The following EYS variants were observed in gnomAD, a reference collection of about 807,000 sequenced individuals.
EYS encodes EGF-like photoreceptor maintenance factor, also known as protein eyes shut homolog.
Under a neutral mutation model 282.1 loss-of-function variants are expected in EYS, and 250 were observed. The ratio of observed to expected loss-of-function variants is 0.89; its 90% CI spans 0.80 to 0.98. The LOEUF is 0.98. EYS is among the 50% of genes least tolerant of loss of function. The pLI, the probability that EYS is intolerant of heterozygous loss-of-function variation, is 0.00. For missense variants in EYS, 4,016 were observed against 3,709.0 expected (o/e 1.08, Z -2.15); for synonymous variants, 1,355 against 1,282.9 (o/e 1.06, Z -1.20).
At chr6:65,593,568 C>G (rs1461658786) in intron 2 of EYS, among the ~76,000 whole-genome samples, 2 of 151,970 alleles carry the variant, frequency 1.3e-5, no homozygotes, top group African/African-American at 4.8e-5. Flanking sequence ...TGAAAAGTTT[C>G]AAGGTGTCTC....
intron 39 of EYS, among the ~76,000 whole-genome samples, chr6:63,782,416 C>T (rs538499393): frequency 1.3e-5 from 2 of 152,264 alleles, no homozygotes; most frequent in South Asian, 4.1e-4. Context: ...TAATTATTGC[C>T]TCAATTTCAG....
At chr6:65,643,437 C>G (rs1767347358) in intron 1 of EYS, among the ~76,000 whole-genome samples, 1 of 152,218 alleles carries the variant, frequency 6.6e-6, no homozygotes, top group African/African-American at 2.4e-5. Flanking sequence ...ACCCGGTGGT[C>G]TTTCTCTAAC....
intron 30 of EYS, among the ~76,000 whole-genome samples, chr6:64,303,264 T>G (rs78331446): frequency 0.031 from 4,737 of 152,304 alleles, 235 homozygotes; most frequent in African/African-American, 0.11. Flanking sequence ...CACATGGAAC[T>G]AAAGTGCCAA....
intron 36 of EYS, among the ~76,000 whole-genome samples, chr6:63,844,783 C>T (rs1450303538): frequency 2.0e-5 from 3 of 152,002 alleles, no homozygotes; most frequent in Admixed American, 2.0e-4. Context: ...GGATAGATTG[C>T]AAAAATTTTC....
At chr6:64,097,390 G>C (rs534842074) in intron 31 of EYS, among the ~76,000 whole-genome samples, 1 of 152,178 alleles carries the variant, frequency 6.6e-6, no homozygotes, top group Non-Finnish European at 1.5e-5. Flanking sequence ...TTGAGCTGCG[G>C]TGGCCTCCAC....
intron 35 of EYS, among the ~76,000 whole-genome samples, chr6:63,865,137 G>C (rs2149710091): frequency 6.6e-6 from 1 of 152,300 alleles, no homozygotes; most frequent in Non-Finnish European, 1.5e-5. Flanking sequence ...AGTGCAGGGT[G>C]GATACATGAC....
At chr6:64,974,181 G>A (rs771495329) in intron 14 of EYS, among the ~76,000 whole-genome samples, 27 of 151,762 alleles carry the variant, frequency 1.8e-4, no homozygotes, top group Non-Finnish European at 2.9e-4. Context: ...TTCAAAAATC[G>A]TATGTACAGC....
intron 2 of EYS, among the ~76,000 whole-genome samples, chr6:65,631,475 G>GA (rs5876981): frequency 0.3 from 42,427 of 143,160 alleles, 6,036 homozygotes; most frequent in South Asian, 0.39. Context: ...AACATGAATG[G>GA]AAAAAAAAAA....
At chr6:65,314,027 T>C (rs1473832612) in intron 11 of EYS, among the ~76,000 whole-genome samples, 1 of 152,158 alleles carries the variant, frequency 6.6e-6, no homozygotes, top group African/African-American at 2.4e-5. Context: ...TTGCTGTTTT[T>C]CACAGAAGCC....
At chr6:64,432,273 TC>T (rs1179456744) in intron 28 of EYS, among the ~76,000 whole-genome samples, 1 of 152,100 alleles carries the variant, frequency 6.6e-6, no homozygotes, top group Non-Finnish European at 1.5e-5. Flanking sequence ...GATATTGTTG[TC>T]TTAAATCTAA....
At chr6:65,506,016 C>A (rs932899032) in intron 2 of EYS, among the ~76,000 whole-genome samples, 4 of 152,048 alleles carry the variant, frequency 2.6e-5, no homozygotes, top group African/African-American at 9.7e-5. Context: ...TTCTCTTATT[C>A]CTGTCTGTTT....
intron 8 of EYS, among the ~76,000 whole-genome samples, chr6:65,354,482 A>G (rs1764401675): frequency 6.6e-6 from 1 of 152,028 alleles, no homozygotes; most frequent in South Asian, 2.1e-4. Flanking sequence ...TCCTAATTGC[A>G]CAACAACCTT....
Position 65,140,342 on chromosome 6 carries a change from A to G in EYS, c.2024-82615T>C, listed in dbSNP as rs563494308. Among the ~76,000 whole-genome samples the G allele has an allele frequency of 2.0e-5, 3 of 152,128 alleles. No homozygotes were observed. In the East Asian group the frequency reaches 5.8e-4, roughly 30 times the overall value. On this transcript the variant is annotated intron_variant, in intron 12 of 42. Coordinates refer to ENST00000503581, the MANE Select transcript of EYS (RefSeq NM_001142800.2). ...TTTGTTAAAATGAATAATAGAAAAT[A>G]AACTGAAAAAAAAATCATGAACTGA...
chr6:64,400,284 A>G (rs2150435672), intron 28 of EYS: 1 of 152,198 alleles, frequency 6.6e-6, no homozygotes, highest in Non-Finnish European at 1.5e-5. Context: ...TTTCATACTT[A>G]AAATTCTTCA....
intron 14 of EYS, among the ~76,000 whole-genome samples, chr6:64,990,144 A>G (rs1771014930): frequency 6.6e-6 from 1 of 151,540 alleles, no homozygotes; most frequent in South Asian, 2.1e-4. Flanking sequence ...AACACAATGG[A>G]GTTATTTACT....
intron 12 of EYS, among the ~76,000 whole-genome samples, chr6:65,090,379 G>T (rs1482363528): frequency 6.6e-6 from 1 of 151,962 alleles, no homozygotes; most frequent in African/African-American, 2.4e-5. Flanking sequence ...TGTTTCCTTA[G>T]GCCTCACCTG....
intron 12 of EYS, among the ~76,000 whole-genome samples, chr6:65,085,991 T>C (rs904427931): frequency 7.2e-5 from 11 of 151,902 alleles, no homozygotes; most frequent in Middle Eastern, 3.4e-3. Context: ...TTTTGTCTTC[T>C]GGAGTACCTG....
intron 29 of EYS, among the ~76,000 whole-genome samples, chr6:64,341,286 A>G (rs1771099602): frequency 6.6e-6 from 1 of 151,808 alleles, no homozygotes; most frequent in African/African-American, 2.4e-5. Flanking sequence ...AAGACATTAA[A>G]TCAATATGAG....
chr6:65,514,022 G>T, intron 2 of EYS, among the ~76,000 whole-genome samples: 1 of 152,132 alleles, frequency 6.6e-6, no homozygotes, highest in East Asian at 1.9e-4. Flanking sequence ...CAGATGACAT[G>T]ATTGTATATC....
Sources: allele counts gnomAD v4.1 joint callset (sites outside exome capture counted in the v4.1 genomes callset), GRCh38; gene constraint gnomAD v4.1.1; transcripts MANE v1.5; gene names NCBI Gene and HGNC (gene_info 2026-07-23, HGNC 2026-07-21).